Variants in GALNT13 observed in about 807,000 individuals in gnomAD.
GALNT13 encodes the protein polypeptide N-acetylgalactosaminyltransferase 13.
A neutral mutation model predicts 64.2 loss-of-function variants in GALNT13; 28 were observed. That is an observed-to-expected ratio of 0.44 (90% CI 0.32 to 0.60). The LOEUF (loss-of-function observed/expected upper bound fraction) is 0.60. Ranked by LOEUF, GALNT13 falls within the 20% of genes least tolerant of loss-of-function variation. GALNT13 has a pLI of 0.05. For missense variants in GALNT13, 577 were observed against 669.8 expected, an observed-to-expected ratio of 0.86 and a Z score of 1.53; for synonymous variants, 214 against 224.6, an observed-to-expected ratio of 0.95 and a Z score of 0.42.
rs1702615718 is a variant in GALNT13, at chr2:154,106,378, G to T, written c.143-33959G>T. Reference sequence around the variant, plus strand: ...TAAAACATGTCAGATCTTTATCTAGGTTTATTTTCTTTTGCATATGTATGT... The same window carrying T: ...TAAAACATGTCAGATCTTTATCTAGTTTTATTTTCTTTTGCATATGTATGT... On this transcript the variant is annotated intron_variant, in intron 3 of 12. Coordinates refer to ENST00000392825, the MANE Select transcript of GALNT13 (RefSeq NM_052917.4). Among the ~76,000 whole-genome samples, 6 of 151,840 alleles carry T rather than the reference G, an allele frequency of 4.0e-5. No homozygotes were observed. In the South Asian group the frequency reaches 1.2e-3, roughly 32 times the overall value.
chr2:154,293,807 G>A (rs1254212157), intron 8 of GALNT13, among the ~76,000 whole-genome samples: 1 of 152,082 alleles, frequency 6.6e-6, no homozygotes, highest in Non-Finnish European at 1.5e-5. Context: ...AGTCATTGTG[G>A]ACTCCACTCA....
At chr2:154,184,567 T>A (rs1039227853) in intron 4 of GALNT13, among the ~76,000 whole-genome samples, 3 of 152,164 alleles carry the variant, frequency 2.0e-5, no homozygotes, top group African/African-American at 7.2e-5. Context: ...GTGATTATCA[T>A]GTGTCTTAGT....
chr2:153,221,475 A>T, the GALNT13 span, among the ~76,000 whole-genome samples: 2 of 152,188 alleles, frequency 1.3e-5, no homozygotes, highest in Non-Finnish European at 2.9e-5. Flanking sequence ...CCTTCAGGAC[A>T]ATAAAGATTA....
chr2:154,241,946 TTG>T, intron 4 of GALNT13, 82 bp from the exon 5 acceptor site: 2 of 750,862 alleles, frequency 2.7e-6, no homozygotes, highest in Non-Finnish European at 4.0e-6. Context: ...AAGTCTGAAG[TTG>T]TGTTATTATG....
At chr2:153,552,371 T>G in the GALNT13 span, among the ~76,000 whole-genome samples, 2 of 152,086 alleles carry the variant, frequency 1.3e-5, no homozygotes, top group African/African-American at 4.8e-5. Flanking sequence ...AACTGAAGAT[T>G]CAGAAGAAAG....
At chr2:153,570,035 C>T in the GALNT13 span, among the ~76,000 whole-genome samples, 16 of 152,240 alleles carry the variant, frequency 1.1e-4, no homozygotes, top group African/African-American at 3.8e-4. Flanking sequence ...TACAAATTTG[C>T]ATTCTTACAA....
intron 3 of GALNT13, among the ~76,000 whole-genome samples, chr2:154,109,588 A>T (rs72871806): frequency 0.072 from 10,928 of 152,178 alleles, 472 homozygotes; most frequent in Middle Eastern, 0.14. Context: ...TTCACCATTG[A>T]ATATAAATGT....
chr2:154,139,726 T>C (rs1683154628), intron 3 of GALNT13, among the ~76,000 whole-genome samples: 1 of 151,496 alleles, frequency 6.6e-6, no homozygotes, highest in Non-Finnish European at 1.5e-5. Context: ...GGCGAGAAAA[T>C]TAGCCTATAT....
At position 154,237,665 on chromosome 2, in the gene GALNT13, T is replaced by A. The variant is rs1194917227; in HGVS notation, c.312-4365T>A. ...AACAAAAGAAATTATTGTATTCACA[T>A]GTGTTAAGATGTGCAGTTTTTTCAT... is the stretch of plus-strand genomic sequence containing the variant. On this transcript the variant is annotated intron_variant, in intron 4 of 12. Coordinates refer to ENST00000392825, the MANE Select transcript of GALNT13 (RefSeq NM_052917.4). Among the ~76,000 whole-genome samples, 4 of 151,344 alleles carry A rather than the reference T, an allele frequency of 2.6e-5. No homozygotes were observed. In the East Asian group the frequency reaches 7.7e-4, roughly 29 times the overall value.
intron 4 of GALNT13, among the ~76,000 whole-genome samples, chr2:154,225,160 TGATAGATAGATAGATA>T (rs56211679): frequency 7.3e-6 from 1 of 137,906 alleles, no homozygotes. Context: ...GATAGATAGA[TGATAGATAGATAGATA>T]GATAGATAGA....
At chr2:153,525,869 A>C in the GALNT13 span, among the ~76,000 whole-genome samples, 10 of 152,138 alleles carry the variant, frequency 6.6e-5, no homozygotes, top group African/African-American at 2.4e-4. Flanking sequence ...CCACAAGCTG[A>C]CTGAGGAGCC....
the GALNT13 span, among the ~76,000 whole-genome samples, chr2:153,098,645 A>G: frequency 5.9e-5 from 9 of 152,166 alleles, no homozygotes; most frequent in Non-Finnish European, 4.4e-5. Context: ...CTTAATTGCT[A>G]TATAGTATTC....
At chr2:153,629,904 T>C in the GALNT13 span, among the ~76,000 whole-genome samples, 1 of 148,164 alleles carries the variant, frequency 6.7e-6, no homozygotes, top group Non-Finnish European at 1.5e-5. Flanking sequence ...AAAATGCTCA[T>C]CATCACTGGC....
At chr2:153,868,874 T>C (rs1229735717), upstream of GALNT13, among the ~76,000 whole-genome samples, 1 of 152,216 alleles carries the variant, frequency 6.6e-6, no homozygotes, top group Admixed American at 6.5e-5. Context: ...CCAAACTTTC[T>C]GTTTGAAAAA....
At chr2:154,083,370 G>A (rs940533934) in intron 3 of GALNT13, among the ~76,000 whole-genome samples, 7 of 151,852 alleles carry the variant, frequency 4.6e-5, no homozygotes, top group African/African-American at 7.3e-5. Flanking sequence ...TGTTCTTTTT[G>A]CTTAGGATTG....
chr2:153,954,533 G>A (rs1692432404), intron 3 of GALNT13, among the ~76,000 whole-genome samples: 1 of 151,400 alleles, frequency 6.6e-6, no homozygotes. Context: ...CATGGGCATA[G>A]TAATGTCAGG....
chr2:153,118,537 C>G, the GALNT13 span, among the ~76,000 whole-genome samples: 2 of 152,034 alleles, frequency 1.3e-5, no homozygotes, highest in East Asian at 1.9e-4. Flanking sequence ...TATTATTAGC[C>G]TTTTTTTTAC....
At chr2:153,851,420 C>T in the GALNT13 span, among the ~76,000 whole-genome samples, 1 of 151,810 alleles carries the variant, frequency 6.6e-6, no homozygotes, top group East Asian at 1.9e-4. Context: ...AAAATGATAT[C>T]AGATAGAATT....
At chr2:154,372,543 C>G (rs1462352753) in intron 9 of GALNT13, among the ~76,000 whole-genome samples, 1 of 152,012 alleles carries the variant, frequency 6.6e-6, no homozygotes, top group Non-Finnish European at 1.5e-5. Flanking sequence ...GACAGGGGAC[C>G]AATCAACTAA....
Sources: allele counts gnomAD v4.1 joint callset (sites outside exome capture counted in the v4.1 genomes callset), GRCh38; gene constraint gnomAD v4.1.1; transcripts MANE v1.5; gene names NCBI Gene and HGNC (gene_info 2026-07-23, HGNC 2026-07-21).